The following ACYP2 variants were observed in gnomAD, a reference collection of about 807,000 sequenced individuals.
ACYP2 encodes the protein acylphosphatase-2.
In ACYP2, 12 loss-of-function variants were observed where a neutral mutation model predicts 11.2. The ratio of observed to expected loss-of-function variants is 1.08; its 90% CI spans 0.69 to 1.74. The LOEUF is 1.74. Ranked by LOEUF, ACYP2 falls within the 40% of genes most tolerant of loss-of-function variation. ACYP2 has a pLI of 0.00. For synonymous variants in ACYP2, 43 were observed against 32.2 expected (o/e 1.33, Z -1.13); for missense variants, 134 against 101.9 (o/e 1.31, Z -1.35).
intron 6 of ACYP2, among the ~76,000 whole-genome samples, chr2:54,297,588 A>C (rs948858386): frequency 2.0e-5 from 3 of 152,210 alleles, no homozygotes; most frequent in African/African-American, 7.2e-5. Context: ...AAAATAATTC[A>C]GGAAAAATAC....
chr2:54,195,277 A>T (rs1260428581), intron 6 of ACYP2, among the ~76,000 whole-genome samples: 1 of 152,178 alleles, frequency 6.6e-6, no homozygotes, highest in Non-Finnish European at 1.5e-5. Context: ...ACCTCCGCAG[A>T]TCTTCTCAGA....
At chr2:53,996,191 G>A (rs1404850769) in intron 2 of ACYP2, among the ~76,000 whole-genome samples, 1 of 152,014 alleles carries the variant, frequency 6.6e-6, no homozygotes, top group Admixed American at 6.6e-5. Context: ...AGGCATAGTT[G>A]GTTCTAAGAG....
intron 6 of ACYP2, among the ~76,000 whole-genome samples, chr2:54,219,783 T>G (rs1685703007): frequency 7.1e-6 from 1 of 140,954 alleles, no homozygotes; most frequent in South Asian, 2.3e-4. Context: ...CACACCCAGC[T>G]AATTTTTATG....
chr2:54,095,927 C>CT (rs1175230202), intron 4 of ACYP2, among the ~76,000 whole-genome samples: 15 of 30 alleles, frequency 0.5, 1 homozygote, highest in Non-Finnish European at 0.5. Context: ...GCCCCCACCT[C>CT]CTCCCGGATG....
intron 6 of ACYP2, among the ~76,000 whole-genome samples, chr2:54,288,987 C>T (rs186315848): frequency 5.4e-4 from 82 of 152,078 alleles, no homozygotes; most frequent in African/African-American, 1.7e-3. Flanking sequence ...TTCAAAGCCT[C>T]ATCATCTAAA....
chr2:54,294,825 C>T (rs1017307045), intron 6 of ACYP2, among the ~76,000 whole-genome samples: 12 of 151,400 alleles, frequency 7.9e-5, no homozygotes, highest in Admixed American at 2.6e-4. Context: ...CTGAGGCGGG[C>T]GGATCCCCTG....
chr2:54,196,636 C>T (rs552954336), intron 6 of ACYP2, among the ~76,000 whole-genome samples: 1 of 152,262 alleles, frequency 6.6e-6, no homozygotes, highest in East Asian at 1.9e-4. Context: ...CTGGATAATT[C>T]TTTGTTGTGA....
intron 4 of ACYP2, among the ~76,000 whole-genome samples, chr2:54,094,810 T>G (rs1204986941): frequency 6.6e-6 from 1 of 152,248 alleles, no homozygotes; most frequent in Admixed American, 6.5e-5. Context: ...AATGCTGGGA[T>G]TACAGGTGTG....
chr2:54,171,441 A>C (rs886101906), intron 6 of ACYP2, among the ~76,000 whole-genome samples: 6 of 152,186 alleles, frequency 3.9e-5, no homozygotes, highest in African/African-American at 1.4e-4. Context: ...TTATCTGCCA[A>C]AAAGCTGTGT....
intron 6 of ACYP2, among the ~76,000 whole-genome samples, chr2:54,282,063 T>C (rs1309194627): frequency 1.3e-5 from 2 of 152,242 alleles, no homozygotes; most frequent in East Asian, 3.8e-4. Flanking sequence ...TTGTTATTCA[T>C]AATTCATTAC....
chr2:54,121,667 A>C (rs1680166308), intron 4 of ACYP2, among the ~76,000 whole-genome samples: 1 of 152,224 alleles, frequency 6.6e-6, no homozygotes, highest in Non-Finnish European at 1.5e-5. Flanking sequence ...AAAGTCAAGA[A>C]ACATAAATAT....
intron 6 of ACYP2, chr2:54,141,977 G>T (rs1681628659): frequency 1.9e-6 from 1 of 524,358 alleles, no homozygotes; most frequent in Non-Finnish European, 3.5e-6. Flanking sequence ...GCACATGCTG[G>T]CTAATTTGTG....
chr2:54,205,731 C>A (rs10172580), intron 6 of ACYP2, among the ~76,000 whole-genome samples: 1 of 152,072 alleles, frequency 6.6e-6, no homozygotes, highest in African/African-American at 2.4e-5. Context: ...TTCTGAAATA[C>A]TCCTCCCCTC....
intron 6 of ACYP2, chr2:54,256,206 T>A: frequency 6.5e-7 from 1 of 1,533,560 alleles, no homozygotes. Flanking sequence ...GTAGGTAGCG[T>A]CAACGTTCCT....
intron 4 of ACYP2, among the ~76,000 whole-genome samples, chr2:54,134,565 A>G (rs915927400): frequency 2.6e-5 from 4 of 152,238 alleles, no homozygotes; most frequent in African/African-American, 4.8e-5. Flanking sequence ...TTAAAAATAG[A>G]ATAAATATGT....
intron 6 of ACYP2, among the ~76,000 whole-genome samples, chr2:54,261,826 A>G (rs944787115): frequency 2.0e-5 from 3 of 152,236 alleles, no homozygotes; most frequent in Admixed American, 6.5e-5. Flanking sequence ...GGAGATGTAC[A>G]CTTTGCTAAT....
chr2:54,185,885 A>C (rs951490278), intron 6 of ACYP2, among the ~76,000 whole-genome samples: 6 of 152,094 alleles, frequency 3.9e-5, no homozygotes, highest in Non-Finnish European at 1.5e-5. Context: ...TGAAGTATTT[A>C]AAACATTATA....
chr2:54,167,979 C>A (rs1400479415), intron 6 of ACYP2, among the ~76,000 whole-genome samples: 4 of 152,136 alleles, frequency 2.6e-5, no homozygotes, highest in Non-Finnish European at 5.9e-5. Context: ...CAGTGCCACC[C>A]CAGAGCCTCA....
intron 2 of ACYP2, among the ~76,000 whole-genome samples, chr2:54,004,575 T>C (rs575845759): frequency 3.9e-5 from 6 of 151,980 alleles, no homozygotes; most frequent in African/African-American, 1.2e-4. Context: ...CATGCCTGGC[T>C]AATTTTTTTG....
Sources: gnomAD v4.1 joint callset for allele counts (sites outside exome capture counted in the v4.1 genomes callset) on GRCh38, gnomAD v4.1.1 for gene constraint, MANE v1.5 for transcripts, NCBI Gene and HGNC (gene_info 2026-07-23, HGNC 2026-07-21) for gene names.